Variants in BTAF1 observed in about 807,000 individuals in gnomAD.
BTAF1 encodes the protein B-TFIID TATA-box binding protein associated factor 1, also known as TATA-binding protein-associated factor 172.
Under a neutral mutation model 227.1 loss-of-function variants are expected in BTAF1, and 38 were observed. That is an observed-to-expected ratio of 0.17 (90% CI 0.13 to 0.22). BTAF1 has a LOEUF of 0.22. Among genes scored for constraint, BTAF1 ranks in the 10% least tolerant of loss-of-function variants. The pLI, the probability that BTAF1 is intolerant of heterozygous loss-of-function variation, is 1.00. For synonymous variants in BTAF1, 742 were observed against 751.9 expected (o/e 0.99, Z 0.21); for missense variants, 1,598 against 2,204.0 (o/e 0.73, Z 5.51).
At position 92,009,037 on chromosome 10, in the gene BTAF1, A is replaced by C; in HGVS notation, c.3936-4A>C. On this transcript the variant is annotated splice_region_variant and splice_polypyrimidine_tract_variant and intron_variant, in intron 27 of 37. Coordinates refer to ENST00000265990, the MANE Select transcript of BTAF1 (RefSeq NM_003972.3). ...TTAATTTATTGTGTTTTGCTATTGT[A>C]AAGGGCCCAGGAATATGCAAGATCA... The C allele has an allele frequency of 5.6e-6, 9 of 1,613,822 alleles. No homozygotes were observed. The highest frequency in any genetic ancestry group is 7.6e-6 in the Non-Finnish European group (9 of 1,179,808).
chr10:91,931,911 C>A (rs1844299117), intron 1 of BTAF1, among the ~76,000 whole-genome samples: 1 of 152,186 alleles, frequency 6.6e-6, no homozygotes, highest in Non-Finnish European at 1.5e-5. Context: ...GTCTCCATTC[C>A]TCTATTCAGG....
chr10:91,956,625 AAT>A lies in BTAF1; in HGVS notation c.802_803del (p.Ile268SerfsTer8). 2 of 1,609,938 alleles carry A rather than the reference AAT, an allele frequency of 1.2e-6. No homozygotes were observed. Among genetic ancestry groups the A allele is most frequent in the South Asian group, 2.2e-5 (2 of 90,430 alleles). ...AAATGATTCCAAAGTCTTGATTGATAATATTCCAGACAGCTCTTCCTTAATTG... is the reference window on the plus strand; with the variant it reads ...AAATGATTCCAAAGTCTTGATTGATAATTCCAGACAGCTCTTCCTTAATTG... Reference protein sequence around the residue: ...SANDSKVLIDNIPDSSSLIEE... With the variant: ...SANDSKVLIDXIPDSSSLIEE... On this transcript the variant is annotated frameshift_variant, in exon 7 of 38. Coordinates refer to ENST00000265990, the MANE Select transcript of BTAF1 (RefSeq NM_003972.3). LOFTEE classifies it high-confidence loss of function.
intron 34 of BTAF1, among the ~76,000 whole-genome samples, chr10:92,021,061 G>T (rs1851087648): frequency 6.6e-6 from 1 of 152,092 alleles, no homozygotes; most frequent in Non-Finnish European, 1.5e-5. Flanking sequence ...GTTCTTTTCA[G>T]CCAGAGTGAA....
intron 23 of BTAF1, 146 bp downstream of exon 23, chr10:91,994,790 C>T (rs78883697): frequency 0.015 from 9,490 of 628,656 alleles, 121 homozygotes; most frequent in Non-Finnish European, 0.02. Flanking sequence ...TCCTCCTTTA[C>T]TAACAGTGCA....
intron 25 of BTAF1, among the ~76,000 whole-genome samples, chr10:92,007,275 G>A (rs1356257279): frequency 2.3e-5 from 3 of 131,820 alleles, no homozygotes; most frequent in South Asian, 4.8e-4. Flanking sequence ...CTGGAGTGCC[G>A]TGGCACAATC....
intron 14 of BTAF1, among the ~76,000 whole-genome samples, chr10:91,966,959 T>A (rs1242765397): frequency 1.3e-5 from 2 of 152,232 alleles, no homozygotes; most frequent in African/African-American, 4.8e-5. Context: ...TTCTCACCAC[T>A]TGAAATCATG....
rs368406482 is a variant in BTAF1, at chr10:91,950,115, C to T, written c.401-1288C>T. Among the ~76,000 whole-genome samples, 16 of 129,476 alleles carry T rather than the reference C, an allele frequency of 1.2e-4. No individual in the cohort carries two copies. In the East Asian group the frequency reaches 1.6e-3, roughly 13 times the overall value. The allele number at this position is 129,476 out of a possible 152,430, so 84.9% of individuals were successfully genotyped here. A position where few individuals can be genotyped will look rare whatever the true frequency, so the allele number is the denominator to read the frequency against. On this transcript the variant is annotated intron_variant, in intron 4 of 37. Transcript: ENST00000265990. Reference sequence around the variant, plus strand: ...TATGATTGTACCTACTGCACTCCAGCGTGGGTATCAGAGTGAGAGACCTTG... The same window carrying T: ...TATGATTGTACCTACTGCACTCCAGTGTGGGTATCAGAGTGAGAGACCTTG...
chr10:91,926,316 CTG>C (rs1482765313), intron 1 of BTAF1, among the ~76,000 whole-genome samples: 1 of 152,112 alleles, frequency 6.6e-6, no homozygotes, highest in African/African-American at 2.4e-5. Context: ...TGAAGAGAAA[CTG>C]TAATATTTTT....
intron 18 of BTAF1, among the ~76,000 whole-genome samples, chr10:91,983,820 G>A (rs1245338358): frequency 5.3e-5 from 8 of 151,856 alleles, no homozygotes; most frequent in Admixed American, 5.2e-4. Flanking sequence ...TGAAGCTTAG[G>A]GTTCAACTGT....
At chr10:91,980,309 C>T in intron 14 of BTAF1, 145 bp from the exon 15 acceptor site, 4 of 586,496 alleles carry the variant, frequency 6.8e-6, no homozygotes, top group Non-Finnish European at 1.2e-5. Context: ...AAAATCTTGT[C>T]AAAGTTTATC....
chr10:91,992,126 C>A lies in BTAF1; in HGVS notation c.2862C>A (p.Thr954=). Reference sequence around the variant, plus strand: ...TAACTTTTTTCTTATTAGGATCCACCTCAGAAAAAGATGGAATGCACCATA... The same window carrying A: ...TAACTTTTTTCTTATTAGGATCCACATCAGAAAAAGATGGAATGCACCATA... ...QSGQENSKGS[T]SEKDGMHHTV... is the part of the protein sequence containing the mutation. Residue 954 remains threonine (T), a synonymous_variant, in exon 21 of 38, where the codon ACC becomes ACA. Coordinates refer to ENST00000265990, the MANE Select transcript of BTAF1 (RefSeq NM_003972.3). 6.4e-7 allele frequency: 1 copy of A among 1,563,322 alleles called. No individual in the cohort carries two copies. Among genetic ancestry groups the A allele is most frequent in the South Asian group, 1.2e-5 (1 of 82,762 alleles).
chr10:91,984,730 T>G (rs1848286208), intron 19 of BTAF1, among the ~76,000 whole-genome samples: 1 of 152,204 alleles, frequency 6.6e-6, no homozygotes, highest in South Asian at 2.1e-4. Flanking sequence ...GAGTACTTCT[T>G]CCTGCTCTCA....
chr10:91,980,590 C>G, intron 15 of BTAF1, 32 bp downstream of exon 15: 2 of 1,539,926 alleles, frequency 1.3e-6, no homozygotes, highest in Non-Finnish European at 1.8e-6. Flanking sequence ...GTTCCTTTTC[C>G]TAGTAACTTT....
chr10:91,931,324 T>G (rs1844261898), intron 1 of BTAF1, among the ~76,000 whole-genome samples: 1 of 152,232 alleles, frequency 6.6e-6, no homozygotes, highest in African/African-American at 2.4e-5. Context: ...CTCAATAAAT[T>G]TATAACCAGT....
intron 14 of BTAF1, among the ~76,000 whole-genome samples, chr10:91,978,836 T>TTTTC (rs1491153716): frequency 3.6e-5 from 3 of 83,592 alleles, no homozygotes; most frequent in African/African-American, 9.8e-5. Flanking sequence ...TTTTTTTTTT[T>TTTTC]CACTTTCATT....
intron 22 of BTAF1, among the ~76,000 whole-genome samples, chr10:91,994,312 A>T (rs1265795306): frequency 6.6e-6 from 1 of 152,062 alleles, no homozygotes; most frequent in Non-Finnish European, 1.5e-5. Context: ...AAAAAAAAAA[A>T]ATTGTTTTTA....
chr10:91,980,649 A>G (rs1847995187), intron 15 of BTAF1, 91 bp downstream of exon 15: 4 of 966,964 alleles, frequency 4.1e-6, no homozygotes, highest in Admixed American at 4.0e-5. Flanking sequence ...GGTCATTCAT[A>G]TCTCATGGAG....
chr10:91,986,408 A>C (rs1023631023), intron 19 of BTAF1, among the ~76,000 whole-genome samples: 1 of 152,168 alleles, frequency 6.6e-6, no homozygotes, highest in African/African-American at 2.4e-5. Context: ...TTTTTGAGTT[A>C]TAGGATCAGA....
At chr10:92,014,134 C>A in intron 32 of BTAF1, 105 bp downstream of exon 32, 1 of 1,203,204 alleles carries the variant, frequency 8.3e-7, no homozygotes, top group Non-Finnish European at 1.2e-6. Flanking sequence ...TTGGCTTTAT[C>A]AGATGCAGAT....
Sources: allele counts gnomAD v4.1 joint callset (sites outside exome capture counted in the v4.1 genomes callset), GRCh38; gene constraint gnomAD v4.1.1; transcripts MANE v1.5; gene names NCBI Gene and HGNC (gene_info 2026-07-23, HGNC 2026-07-21).